Variants in COMMD5 observed in about 807,000 individuals in gnomAD.
COMMD5 encodes the protein COMM domain containing 5.
Under a neutral mutation model 6.9 loss-of-function variants are expected in COMMD5, and 10 were observed. The ratio of observed to expected loss-of-function variants is 1.44; its 90% CI spans 0.89 to 2.45. COMMD5 has a LOEUF of 2.45. Ranked by LOEUF, COMMD5 falls within the 30% of genes most tolerant of loss-of-function variation. COMMD5 has a pLI of 0.00. For synonymous variants in COMMD5, 127 were observed against 125.3 expected (o/e 1.01, Z -0.09); for missense variants, 234 against 287.8 (o/e 0.81, Z 1.35).
chr8:144,848,498 C>CA (rs59849814), downstream of COMMD5, among the ~76,000 whole-genome samples: 52,976 of 139,096 alleles, frequency 0.38, 9,628 homozygotes, highest in South Asian at 0.47. Flanking sequence ...ACTCCCGTCT[C>CA]AAAAAAAAAA....
At chr8:144,846,523 A>C (rs1830519159), downstream of COMMD5, 3 of 221,722 alleles carry the variant, frequency 1.4e-5, no homozygotes, top group Admixed American at 1.5e-4. Flanking sequence ...TTGAACTTGG[A>C]AAATGACTTC....
chr8:144,841,848 G>C, intron 1 of COMMD5: 2 of 1,614,176 alleles, frequency 1.2e-6, no homozygotes, highest in South Asian at 1.1e-5. Context: ...GCCATGGAGA[G>C]AAGCCGTACG....
chr8:144,845,210 AC>A (rs1209745035), downstream of COMMD5, among the ~76,000 whole-genome samples: 1 of 152,128 alleles, frequency 6.6e-6, no homozygotes, highest in Non-Finnish European at 1.5e-5. Context: ...TGGCCATTCC[AC>A]CTAGGAGGGG....
chr8:144,851,480 G>A, intron 1 of COMMD5, 85 bp from the exon 2 acceptor site: 1 of 901,680 alleles, frequency 1.1e-6, no homozygotes. Context: ...CCCATCATCA[G>A]CATGCTGACA....
At chr8:144,851,952 T>C (rs1211370411) in intron 1 of COMMD5, among the ~76,000 whole-genome samples, 1 of 152,002 alleles carries the variant, frequency 6.6e-6, no homozygotes, top group Non-Finnish European at 1.5e-5. Context: ...AACCTGGGCA[T>C]CATAGCAAGA....
At chr8:144,844,386 C>T (rs181742167) in intron 1 of COMMD5, among the ~76,000 whole-genome samples, 9 of 151,952 alleles carry the variant, frequency 5.9e-5, no homozygotes, top group East Asian at 3.9e-4. Context: ...GGGGGGAACG[C>T]GGTGAGGAGG....
chr8:144,841,725 A>T (rs748285181), exon 2 of COMMD5: 1 of 1,614,172 alleles, frequency 6.2e-7, no homozygotes, highest in Non-Finnish European at 8.5e-7. Flanking sequence ...AAGGCATCAG[A>T]GCCACTTCAG....
At chr8:144,838,243 CATG>C, downstream of COMMD5, 1 of 662,090 alleles carries the variant, frequency 1.5e-6, no homozygotes, top group South Asian at 1.6e-5. Context: ...GGACACCAGT[CATG>C]GTGGGTTAGG....
intron 1 of COMMD5, chr8:144,843,812 CTTAAGTA>C (rs1031843095): frequency 4.6e-5 from 7 of 152,254 alleles, no homozygotes; most frequent in Admixed American, 6.5e-5. Flanking sequence ...ACTCTTTTCC[CTTAAGTA>C]TCAGTGGCTC....
downstream of COMMD5, chr8:144,838,573 A>G (rs559915600): frequency 3.0e-5 from 5 of 166,252 alleles, no homozygotes; most frequent in South Asian, 6.4e-4. Context: ...GCAGCAGGGC[A>G]GGACCAGGTC....
downstream of COMMD5, chr8:144,850,129 A>G (rs1830670330): frequency 6.5e-6 from 1 of 154,904 alleles, no homozygotes; most frequent in Non-Finnish European, 1.4e-5. This position sits in a 1 kb window ranked among gnomAD's most constrained non-coding sequence, Gnocchi z 4.0. Context: ...ATCAGCACGC[A>G]GACCCCACCC....
chr8:144,843,261 G>C, intron 1 of COMMD5: 1 of 1,399,250 alleles, frequency 7.1e-7, no homozygotes, highest in East Asian at 2.3e-5. Context: ...CAAACATGTA[G>C]AATGTTGGTA....
Position 144,851,347 on chromosome 8 carries a change from C to G in COMMD5, c.-9G>C. 6.3e-7 allele frequency: 1 copy of G among 1,596,122 alleles called. No individual in the cohort carries two copies. The highest frequency in any genetic ancestry group is 1.3e-5 in the African/African-American group (1 of 74,706). ...GCCCCCACAGCAGACATTGCTGCTG[C>G]TTCCTCTTTGATCAGCCAGCCCAGG... On this transcript the variant is annotated 5_prime_UTR_variant, in exon 2 of 2. Coordinates refer to ENST00000305103, the MANE Select transcript of COMMD5 (RefSeq NM_014066.4).
downstream of COMMD5, among the ~76,000 whole-genome samples, chr8:144,849,730 G>A (rs965500507): frequency 9.2e-5 from 14 of 152,074 alleles, no homozygotes; most frequent in African/African-American, 3.4e-4. Flanking sequence ...GCACCCGGGA[G>A]AGGTCCCTGC....
downstream of COMMD5, among the ~76,000 whole-genome samples, chr8:144,847,685 A>C (rs1830579717): frequency 6.6e-6 from 1 of 152,184 alleles, no homozygotes; most frequent in African/African-American, 2.4e-5. Context: ...AGAGCCCCAG[A>C]AATGTTTGCT....
Position 144,843,325 on chromosome 8 carries a change from T to G in COMMD5, c.*117-1582A>C, listed in dbSNP as rs2722488. 5.6e-4 allele frequency: 515 copies of G among 926,698 alleles called. 5 individuals are homozygous for G. The highest frequency in any genetic ancestry group is 3.9e-3 in the East Asian group (143 of 36,410). 57.4% of individuals were successfully genotyped at this position (926,698 alleles called of 1,614,324 possible). On this transcript the variant is annotated intron_variant and NMD_transcript_variant, in intron 1 of 1. Transcript: ENST00000530332. ...CAACTTCAGGCCGAGTGTGGTGGCT[T>G]ATGCCTGTCATCCCAGCACTTTGGG...
chr8:144,841,837 T>C (rs77775951), intron 1 of COMMD5: 2 of 1,614,140 alleles, frequency 1.2e-6, no homozygotes, highest in Admixed American at 3.3e-5. Context: ...TACAAATAAC[T>C]GCCATGGAGA....
downstream of COMMD5, chr8:144,847,573 CTA>C (rs1209370886): frequency 2.0e-5 from 3 of 152,216 alleles, no homozygotes; most frequent in African/African-American, 7.2e-5. Flanking sequence ...TGAATTGAAA[CTA>C]TCTGGACCTT....
chr8:144,852,039 T>C (rs1471500248), intron 1 of COMMD5, among the ~76,000 whole-genome samples: 1 of 151,498 alleles, frequency 6.6e-6, no homozygotes, highest in Non-Finnish European at 1.5e-5. Context: ...CTCAGAAGGC[T>C]GAGAGGACAG....
Sources: allele counts gnomAD v4.1 joint callset (sites outside exome capture counted in the v4.1 genomes callset), GRCh38; gene constraint gnomAD v4.1.1; non-coding constraint Gnocchi (gnomAD v3.1); transcripts MANE v1.5; gene names NCBI Gene and HGNC (gene_info 2026-07-23, HGNC 2026-07-21).